Variants in DHRSX observed in about 807,000 individuals in gnomAD.
The protein encoded by DHRSX is polyprenol dehydrogenase.
DHRSX carries 31 observed loss-of-function variants against 34.0 expected under a neutral mutation model. The ratio of observed to expected loss-of-function variants is 0.91; its 90% CI spans 0.69 to 1.23. The LOEUF (loss-of-function observed/expected upper bound fraction) is 1.23, where lower values mean the gene tolerates loss of function less well. Ranked by LOEUF, DHRSX falls within the 50% of genes most tolerant of loss-of-function variation. The probability of loss-of-function intolerance (pLI) is 0.00; values close to 1 mark genes in which losing one functional copy is unlikely to be tolerated. For synonymous variants in DHRSX, 201 were observed against 183.8 expected (o/e 1.09, Z -0.76); for missense variants, 414 against 428.1 (o/e 0.97, Z 0.29).
intron 1 of DHRSX, chrX:2,489,186 C>T (rs759759475): frequency 1.4e-5 from 22 of 1,613,690 alleles, no homozygotes; most frequent in South Asian, 1.2e-4. Flanking sequence ...GGCCGGTAGC[C>T]GCCGTCTTTG....
intron 1 of DHRSX, chrX:2,489,239 T>C: frequency 6.2e-7 from 1 of 1,613,916 alleles, no homozygotes; most frequent in Non-Finnish European, 8.5e-7. Flanking sequence ...CACGCGATTC[T>C]CCACCTGCTG....
intron 1 of DHRSX, among the ~76,000 whole-genome samples, chrX:2,450,516 A>C (rs185264154): frequency 1.3e-5 from 2 of 152,206 alleles, no homozygotes; most frequent in African/African-American, 4.8e-5. Flanking sequence ...CACAGGACTG[A>C]AGAGCTAACT....
Position 2,312,798 on chromosome X carries a change from G to C in DHRSX, c.287-21195C>G, listed in dbSNP as rs1655558535. ...CTCAGACGTGGGAGAGCTAGGGACT[G>C]AACTCTGATCCCTGTTCCTTGTTTT... On this transcript the variant is annotated intron_variant, in intron 3 of 6. Transcript: ENST00000334651. 2.0e-5 allele frequency among the ~76,000 whole-genome samples: 3 copies of C among 152,086 alleles called. No individual in the cohort carries two copies. In the South Asian group the frequency reaches 6.2e-4, roughly 32 times the overall value.
chrX:2,448,742 G>A lies in DHRSX; in HGVS notation c.110-23438C>T, dbSNP rs753432147. ...AATACATTTTCTATAAAAATGACTC[G>A]CATTTCCAGGCAGAAAGCAAAACAA... On this transcript the variant is annotated intron_variant, in intron 1 of 6. Transcript: ENST00000334651. Among the ~76,000 whole-genome samples, 21 of 152,120 alleles carry A rather than the reference G, an allele frequency of 1.4e-4. No individual in the cohort carries two copies. The South Asian group carries it at 3.3e-3, about 24-fold the overall frequency.
intron 1 of DHRSX, among the ~76,000 whole-genome samples, chrX:2,456,613 C>CA (rs57262200): frequency 0.25 from 27,595 of 108,604 alleles, 3,744 homozygotes; most frequent in African/African-American, 0.37. Context: ...GACTCCTCTT[C>CA]AAAAAAAAAA....
chrX:2,238,546 C>T (rs1408611876), intron 6 of DHRSX, among the ~76,000 whole-genome samples: 1 of 151,964 alleles, frequency 6.6e-6, no homozygotes, highest in Non-Finnish European at 1.5e-5. Flanking sequence ...CAGATTCTCC[C>T]CAGGGACCCT....
At chrX:2,361,394 C>T (rs1287125500) in intron 3 of DHRSX, among the ~76,000 whole-genome samples, 6 of 152,064 alleles carry the variant, frequency 3.9e-5, no homozygotes, top group Admixed American at 2.0e-4. Context: ...TGTGAGCTAC[C>T]GCACCCAGCT....
In DHRSX at chrX:2,375,678, G is replaced by A. The variant is rs1344097320; in HGVS notation, c.286+33067C>T. 5.1e-5 allele frequency among the ~76,000 whole-genome samples: 7 copies of A among 136,888 alleles called. 2 individuals are homozygous for A. The highest frequency in any genetic ancestry group is 1.0e-4 in the Non-Finnish European group (6 of 57,924). The allele number at this position is 136,888 out of a possible 152,430, so 89.8% of individuals were successfully genotyped here. A position where few individuals can be genotyped will look rare whatever the true frequency, so the allele number is the denominator to read the frequency against. Reference sequence around the variant, plus strand: ...AGACAGAGTCTCACTCTGTCGCCAAGCTGGAGGGCAGTAGTGCGATCTCGG... The same window carrying A: ...AGACAGAGTCTCACTCTGTCGCCAAACTGGAGGGCAGTAGTGCGATCTCGG... On this transcript the variant is annotated intron_variant, in intron 3 of 6. Coordinates refer to ENST00000334651, the MANE Select transcript of DHRSX (RefSeq NM_145177.3).
intron 1 of DHRSX, among the ~76,000 whole-genome samples, chrX:2,456,010 G>C (rs1277676706): frequency 1.3e-5 from 2 of 151,814 alleles, no homozygotes; most frequent in Non-Finnish European, 2.9e-5. Flanking sequence ...CAAAGAATGG[G>C]TACCACGACT....
chrX:2,224,788 A>T (rs1233920530), intron 6 of DHRSX, among the ~76,000 whole-genome samples: 2 of 152,028 alleles, frequency 1.3e-5, no homozygotes, highest in African/African-American at 2.4e-5. Context: ...TCACATGCAC[A>T]CATGCTCATT....
Position 2,270,550 on chromosome X carries a change from T to A in DHRSX, c.389-3603A>T, listed in dbSNP as rs780105301. Among the ~76,000 whole-genome samples the A allele has an allele frequency of 5.9e-5, 9 of 152,190 alleles. No homozygotes were observed. The East Asian group carries it at 1.7e-3, about 29-fold the overall frequency. ...ATTGCGCGGAGGGCCCACAGAAGACTCAGCAGTGGGTCCCGCGGCTCTACA... is the reference window on the plus strand; with the variant it reads ...ATTGCGCGGAGGGCCCACAGAAGACACAGCAGTGGGTCCCGCGGCTCTACA... On this transcript the variant is annotated intron_variant, in intron 4 of 6. Coordinates refer to ENST00000334651, the MANE Select transcript of DHRSX (RefSeq NM_145177.3).
chrX:2,354,612 C>A (rs1294317406), intron 3 of DHRSX, among the ~76,000 whole-genome samples: 1 of 152,200 alleles, frequency 6.6e-6, no homozygotes, highest in Non-Finnish European at 1.5e-5. Flanking sequence ...CAGGCACCCA[C>A]CACCACGCCT....
At chrX:2,347,374 C>T (rs1415153955) in intron 3 of DHRSX, among the ~76,000 whole-genome samples, 1 of 152,190 alleles carries the variant, frequency 6.6e-6, no homozygotes, top group African/African-American at 2.4e-5. Flanking sequence ...CCCACTGGGT[C>T]CCTCCCACAA....
At chrX:2,378,733 C>T (rs2043170138) in intron 3 of DHRSX, among the ~76,000 whole-genome samples, 1 of 151,588 alleles carries the variant, frequency 6.6e-6, no homozygotes, top group Non-Finnish European at 1.5e-5. Flanking sequence ...TGCAGTGGTG[C>T]GATCTCGGCT....
chrX:2,303,801 G>GA (rs2042047548), intron 3 of DHRSX, among the ~76,000 whole-genome samples: 2 of 92,610 alleles, frequency 2.2e-5, no homozygotes, highest in Non-Finnish European at 3.9e-5. Flanking sequence ...GGGTGGGTGG[G>GA]TGGGTGGATG....
chrX:2,229,940 AAT>A (rs2015833009), intron 6 of DHRSX, among the ~76,000 whole-genome samples: 1 of 152,126 alleles, frequency 6.6e-6, no homozygotes, highest in South Asian at 2.1e-4. Context: ...TGCACATGTG[AAT>A]ATGTGCATGT....
intron 3 of DHRSX, among the ~76,000 whole-genome samples, chrX:2,301,447 A>G (rs2042008365): frequency 6.6e-6 from 1 of 152,114 alleles, no homozygotes; most frequent in African/African-American, 2.4e-5. Flanking sequence ...GAATCATTAG[A>G]TATTAGCCTT....
At chrX:2,242,735 G>T (rs1023410348) in intron 6 of DHRSX, among the ~76,000 whole-genome samples, 13 of 152,066 alleles carry the variant, frequency 8.5e-5, no homozygotes, top group African/African-American at 2.9e-4. Context: ...TACCCTCTAC[G>T]GTCTAAAAAG....
intron 3 of DHRSX, among the ~76,000 whole-genome samples, chrX:2,368,904 T>G (rs1435604258): frequency 6.6e-6 from 1 of 152,110 alleles, no homozygotes; most frequent in Non-Finnish European, 1.5e-5. Flanking sequence ...ATCGCACCAC[T>G]GCACTCCAGC....
Sources: gnomAD v4.1 joint callset for allele counts (sites outside exome capture counted in the v4.1 genomes callset) on GRCh38, gnomAD v4.1.1 for gene constraint, MANE v1.5 for transcripts, NCBI Gene and HGNC (gene_info 2026-07-23, HGNC 2026-07-21) for gene names.